The following AEN variants were observed in gnomAD, a reference collection of about 807,000 sequenced individuals.
AEN encodes the protein apoptosis enhancing nuclease.
Under a neutral mutation model 17.7 loss-of-function variants are expected in AEN, and 21 were observed. That is an observed-to-expected ratio of 1.19 (90% confidence interval 0.84 to 1.71). The LOEUF is 1.71. AEN is among the 40% of genes most tolerant of loss of function. AEN has a pLI of 0.00. For synonymous variants in AEN, 190 were observed against 173.0 expected (o/e 1.10, Z -0.77); for missense variants, 462 against 435.9 (o/e 1.06, Z -0.53).
At chr15:88,620,432 C>T (rs980619114), upstream of AEN, among the ~76,000 whole-genome samples, 4 of 150,988 alleles carry the variant, frequency 2.6e-5, no homozygotes, top group African/African-American at 4.9e-5. Context: ...TTTTTTGAGA[C>T]GGAGTTTTGC....
the AEN span, among the ~76,000 whole-genome samples, chr15:88,615,988 T>C: frequency 6.6e-6 from 1 of 152,194 alleles, no homozygotes; most frequent in Admixed American, 6.5e-5. Context: ...GGGGAAATGA[T>C]GGGGTCCTTG....
chr15:88,611,770 G>C, the AEN span: 45 of 422,056 alleles, frequency 1.1e-4, no homozygotes, highest in African/African-American at 8.2e-4. Flanking sequence ...CATCCAGACC[G>C]CTGACCTGGT....
At position 88,630,856 on chromosome 15, in the gene AEN, T is replaced by G. The variant is rs1385682689; in HGVS notation, c.*562T>G. On this transcript the variant is annotated 3_prime_UTR_variant, in exon 4 of 4. Coordinates refer to ENST00000332810, the MANE Select transcript of AEN (RefSeq NM_022767.4). This position sits in a 1 kb window ranked among gnomAD's most constrained non-coding sequence, Gnocchi z 5.1. The stretch of plus-strand genomic sequence containing the variant: ...AGGAGTTAAGTCCTAAAGGAGGCAT[T>G]TCTTCCCCACCTCCCTGACCTGGAA... 7.5e-6 allele frequency: 2 copies of G among 267,458 alleles called. No individual in the cohort carries two copies. The highest frequency in any genetic ancestry group is 1.6e-5 in the Non-Finnish European group (2 of 128,574). 16.6% of individuals were successfully genotyped at this position (267,458 alleles called of 1,614,324 possible). A position where few individuals can be genotyped will look rare whatever the true frequency, so the allele number is the denominator to read the frequency against.
At chr15:88,614,610 C>G in the AEN span, among the ~76,000 whole-genome samples, 1 of 152,290 alleles carries the variant, frequency 6.6e-6, no homozygotes, top group East Asian at 1.9e-4. Context: ...ACCGGGTTTA[C>G]GAAACAGCCT....
At chr15:88,620,573 C>T (rs1186429950), upstream of AEN, among the ~76,000 whole-genome samples, 1 of 75,884 alleles carries the variant, frequency 1.3e-5, no homozygotes, top group African/African-American at 6.0e-5. Context: ...CGTCAACGCC[C>T]GGCTAATTTT....
rs1410655829 is a variant in AEN at position 88,630,970 on chromosome 15, CGT to C, written c.*678_*679del. ...GGAATAGCAGAGCCCACAGGCTTCTCGTGGGGAGTTGGCTCCTTAACATTTCT... is the reference window on the plus strand; with the variant it reads ...GGAATAGCAGAGCCCACAGGCTTCTCGGGGAGTTGGCTCCTTAACATTTCT... On this transcript the variant is annotated 3_prime_UTR_variant, in exon 4 of 4. Coordinates refer to ENST00000332810, the MANE Select transcript of AEN (RefSeq NM_022767.4). This position sits in a 1 kb window ranked among gnomAD's most constrained non-coding sequence, Gnocchi z 5.1. The C allele has an allele frequency of 1.1e-5, 4 of 371,076 alleles. No individual in the cohort carries two copies. The highest frequency in any genetic ancestry group is 2.2e-5 in the Non-Finnish European group (4 of 179,642). The allele number at this position is 371,076 out of a possible 1,614,324, so 23.0% of individuals were successfully genotyped here.
chr15:88,605,952 T>C, the AEN span, among the ~76,000 whole-genome samples: 1 of 152,170 alleles, frequency 6.6e-6, no homozygotes, highest in Non-Finnish European at 1.5e-5. This position sits in a 1 kb window ranked among gnomAD's most constrained non-coding sequence, Gnocchi z 7.6. Context: ...GTGACACAGG[T>C]TCGCGGAAGA....
Position 88,632,005 on chromosome 15 carries a change from G to A in AEN, c.*1711G>A, listed in dbSNP as rs2057935181. 6.6e-6 allele frequency: 1 copy of A among 152,308 alleles called. No individual in the cohort carries two copies. Among genetic ancestry groups the A allele is most frequent in the Non-Finnish European group, 1.5e-5 (1 of 68,132 alleles). 9.4% of individuals were successfully genotyped at this position (152,308 alleles called of 1,614,324 possible). On this transcript the variant is annotated 3_prime_UTR_variant, in exon 4 of 4. Coordinates refer to ENST00000332810, the MANE Select transcript of AEN (RefSeq NM_022767.4). ...GAAGCCCCACGTTCCACAAACTTGG[G>A]GTCATAGATTGTCCAGTCACTGGCT...
At chr15:88,628,821 T>C (rs35098638) in intron 2 of AEN, 23,861 of 188,964 alleles carry the variant, frequency 0.13, 1,676 homozygotes, top group Middle Eastern at 0.17. Context: ...CTCACAGACC[T>C]TACAGTGCGG....
Position 88,626,590 on chromosome 15 carries a change from C to A in AEN, c.381C>A (p.Ser127Arg). ...MVGTGPRGRV[S>R]ELARCSIVSY... ...GCACGGGACCCCGAGGGCGGGTAAG[C>A]GAGCTGGCCCGCTGTTCCATTGTGA... Residue 127 changes from serine (S) to arginine (R), a missense_variant, in exon 2 of 4, where the codon AGC (serine) becomes AGA (arginine). Physicochemically the swap from Ser to Arg is moderately radical, Grantham distance 110. Coordinates refer to ENST00000332810, the MANE Select transcript of AEN (RefSeq NM_022767.4). 6.2e-7 allele frequency: 1 copy of A among 1,614,094 alleles called. No homozygotes were observed. The highest frequency in any genetic ancestry group is 8.5e-7 in the Non-Finnish European group (1 of 1,180,034).
chr15:88,629,516 C>T (rs2057900569), intron 3 of AEN, 90 bp downstream of exon 3: 1 of 1,453,284 alleles, frequency 6.9e-7, no homozygotes, highest in Admixed American at 2.0e-5. Context: ...GCTGTGTCTC[C>T]AGCCTCCTTG....
the AEN span, among the ~76,000 whole-genome samples, chr15:88,613,790 C>G: frequency 6.6e-6 from 1 of 152,158 alleles, no homozygotes; most frequent in South Asian, 2.1e-4. Context: ...TTGATCACAT[C>G]TACCTTGCTA....
At chr15:88,605,935 TCAGGAGGTGACA>T in the AEN span, among the ~76,000 whole-genome samples, 1 of 152,016 alleles carries the variant, frequency 6.6e-6, no homozygotes, top group African/African-American at 2.4e-5. This position sits in a 1 kb window ranked among gnomAD's most constrained non-coding sequence, Gnocchi z 7.6. Context: ...GCGGAGGAGG[TCAGGAGGTGACA>T]CAGGTTCGCG....
intron 1 of AEN, among the ~76,000 whole-genome samples, chr15:88,623,622 C>G (rs1186864572): frequency 6.6e-6 from 1 of 152,172 alleles, no homozygotes; most frequent in East Asian, 1.9e-4. Context: ...TCAAATTGTG[C>G]TATAAGAGCT....
chr15:88,624,109 T>G (rs1365242553), intron 1 of AEN, among the ~76,000 whole-genome samples: 1 of 152,250 alleles, frequency 6.6e-6, no homozygotes, highest in Non-Finnish European at 1.5e-5. Context: ...GCTTCAGCCC[T>G]TAACACACTT....
rs2057859130 is a variant in AEN at position 88,626,672 on chromosome 15, G to A, written c.463G>A (p.Asp155Asn). Reference sequence around the variant, plus strand: ...CATCAGGCCTGAGATGCCCATCGCTGACTACCGTACCCGCTGGAGTGGCAT... The same window carrying A: ...CATCAGGCCTGAGATGCCCATCGCTAACTACCGTACCCGCTGGAGTGGCAT... ...KYIRPEMPIA[D>N]YRTRWSGITR... The change falls in exon 2 of 4, where the codon GAC becomes AAC. Residue 155 changes from aspartate to asparagine, a missense_variant. Transcript: ENST00000332810. 3 of 1,613,788 alleles carry A rather than the reference G, an allele frequency of 1.9e-6. No homozygotes were observed. The highest frequency in any genetic ancestry group is 1.7e-5 in the Admixed American group (1 of 60,012).
rs1849525883 is a variant in AEN at position 88,630,276 on chromosome 15, A to C, written c.960A>C (p.Ala320=). The part of the protein sequence containing the change: ...AHGSRGGARE[A]QDRRN ...GCAGCAGAGGAGGAGCCAGGGAGGCACAGGACAGAAGGAATTGAGAAGGGG... is the reference window on the plus strand; with the variant it reads ...GCAGCAGAGGAGGAGCCAGGGAGGCCCAGGACAGAAGGAATTGAGAAGGGG... Residue 320 remains alanine (A), a synonymous_variant, in exon 4 of 4, where the codon GCA becomes GCC. Transcript: ENST00000332810. This position sits in a 1 kb window ranked among gnomAD's most constrained non-coding sequence, Gnocchi z 5.1. 1 of 1,584,856 alleles carries C rather than the reference A, an allele frequency of 6.3e-7. No homozygotes were observed. The highest frequency in any genetic ancestry group is 1.1e-5 in the South Asian group (1 of 87,244).
upstream of AEN, among the ~76,000 whole-genome samples, chr15:88,619,223 T>C (rs909042374): frequency 2.6e-5 from 4 of 152,222 alleles, no homozygotes; most frequent in African/African-American, 9.6e-5. Context: ...AGACTTTTAT[T>C]TCCCAAGGTA....
Position 88,630,201 on chromosome 15 carries a change from C to CA in AEN, c.886dup (p.Met296AsnfsTer13), listed in dbSNP as rs1786612646. Reference sequence around the variant, plus strand: ...ACAGAGAACCTGACAGCAGCACAGACATGGAACAGTACATGGAGGACCAGT... The same window carrying CA: ...ACAGAGAACCTGACAGCAGCACAGACAATGGAACAGTACATGGAGGACCAGT... On this transcript the variant is annotated frameshift_variant, in exon 4 of 4. Coordinates refer to ENST00000332810, the MANE Select transcript of AEN (RefSeq NM_022767.4). LOFTEE classifies it low-confidence loss of function (END_TRUNC). The surrounding 1 kb of genome is among the most constrained non-coding windows in gnomAD (Gnocchi z 5.1). 1 of 1,612,218 alleles carries CA rather than the reference C, an allele frequency of 6.2e-7. No individual in the cohort carries two copies. The highest frequency in any genetic ancestry group is 1.3e-5 in the African/African-American group (1 of 74,922).
Sources: allele counts gnomAD v4.1 joint callset (sites outside exome capture counted in the v4.1 genomes callset), GRCh38; gene constraint gnomAD v4.1.1; non-coding constraint Gnocchi (gnomAD v3.1); transcripts MANE v1.5; gene names NCBI Gene and HGNC (gene_info 2026-07-23, HGNC 2026-07-21).